The following KCTD16 variants were observed in gnomAD, a reference collection of about 807,000 sequenced individuals.
KCTD16 encodes BTB/POZ domain-containing protein KCTD16.
A neutral mutation model predicts 33.2 loss-of-function variants in KCTD16; 13 were observed. That is an observed-to-expected ratio of 0.39 (90% CI 0.25 to 0.62). The LOEUF (loss-of-function observed/expected upper bound fraction) is 0.62, where lower values mean the gene tolerates loss of function less well. Ranked by LOEUF, KCTD16 falls within the 20% of genes least tolerant of loss-of-function variation. The probability of loss-of-function intolerance (pLI) is 0.50; values close to 1 mark genes in which losing one functional copy is unlikely to be tolerated. For missense variants in KCTD16, 441 were observed against 525.1 expected (o/e 0.84, Z 1.57); for synonymous variants, 197 against 195.3 (o/e 1.01, Z -0.07).
intron 3 of KCTD16, among the ~76,000 whole-genome samples, chr5:144,333,671 G>T (rs1458824223): frequency 6.6e-6 from 1 of 152,148 alleles, no homozygotes; most frequent in African/African-American, 2.4e-5. Flanking sequence ...TCTGTTTCAT[G>T]TGTCTCATTC....
chr5:144,276,447 G>T (rs772591344), intron 3 of KCTD16, among the ~76,000 whole-genome samples: 1 of 152,128 alleles, frequency 6.6e-6, no homozygotes, highest in Non-Finnish European at 1.5e-5. Flanking sequence ...TTTGCATGTG[G>T]TTCATATTAG....
chr5:144,224,383 G>GTTTTTTTTT (rs530446253), intron 3 of KCTD16, among the ~76,000 whole-genome samples: 3 of 100,334 alleles, frequency 3.0e-5, no homozygotes, highest in Admixed American at 1.2e-4. Context: ...AATATAATGT[G>GTTTTTTTTT]TTTTTTTTTT....
intron 3 of KCTD16, among the ~76,000 whole-genome samples, chr5:144,331,228 G>A (rs1197524026): frequency 6.6e-6 from 1 of 152,170 alleles, no homozygotes; most frequent in Non-Finnish European, 1.5e-5. Flanking sequence ...ACTGACTATG[G>A]AGTGGGCCTG....
chr5:144,429,546 T>C (rs1753410645), intron 3 of KCTD16, among the ~76,000 whole-genome samples: 1 of 152,054 alleles, frequency 6.6e-6, no homozygotes, highest in African/African-American at 2.4e-5. Context: ...ATACCTCTCT[T>C]TAACCAATCA....
intron 3 of KCTD16, among the ~76,000 whole-genome samples, chr5:144,249,089 C>G (rs1034265233): frequency 2.0e-5 from 3 of 152,084 alleles, no homozygotes; most frequent in African/African-American, 7.2e-5. Context: ...ATCCCAGGAC[C>G]CTTCCTATAT....
intron 3 of KCTD16, among the ~76,000 whole-genome samples, chr5:144,269,798 G>T (rs1475381167): frequency 6.6e-6 from 1 of 151,988 alleles, no homozygotes; most frequent in Non-Finnish European, 1.5e-5. Context: ...ATGTTTTTGG[G>T]CAGAGAATGT....
At chr5:144,356,292 A>T (rs1751569809) in intron 3 of KCTD16, among the ~76,000 whole-genome samples, 1 of 152,200 alleles carries the variant, frequency 6.6e-6, no homozygotes, top group South Asian at 2.1e-4. Context: ...TTTAAGGAGT[A>T]TGCTTTTTCT....
At chr5:144,331,965 C>T (rs151130345) in intron 3 of KCTD16, among the ~76,000 whole-genome samples, 2 of 152,252 alleles carry the variant, frequency 1.3e-5, no homozygotes, top group African/African-American at 2.4e-5. Flanking sequence ...ACCCTCTTGA[C>T]CATTGATATT....
chr5:144,398,000 G>T (rs1752612989), intron 3 of KCTD16, among the ~76,000 whole-genome samples: 1 of 152,176 alleles, frequency 6.6e-6, no homozygotes, highest in South Asian at 2.1e-4. Flanking sequence ...CCCAGATCTT[G>T]CTCTAGCAGC....
At chr5:144,195,532 A>G (rs1478740918) in intron 2 of KCTD16, among the ~76,000 whole-genome samples, 2 of 152,228 alleles carry the variant, frequency 1.3e-5, no homozygotes, top group Non-Finnish European at 2.9e-5. Context: ...AACCACAGAA[A>G]GAGGGAGCTG....
At chr5:144,462,963 G>C (rs2126993755) in intron 3 of KCTD16, among the ~76,000 whole-genome samples, 1 of 152,296 alleles carries the variant, frequency 6.6e-6, no homozygotes, top group South Asian at 2.1e-4. Context: ...AAATTAATGT[G>C]ATTTAACAAT....
intron 3 of KCTD16, among the ~76,000 whole-genome samples, chr5:144,238,762 T>G (rs1303340830): frequency 6.6e-6 from 1 of 152,176 alleles, no homozygotes; most frequent in Non-Finnish European, 1.5e-5. Context: ...AAACAACTCA[T>G]TTGAGCTTTT....
chr5:144,261,305 A>G (rs984926361), intron 3 of KCTD16, among the ~76,000 whole-genome samples: 1 of 152,206 alleles, frequency 6.6e-6, no homozygotes, highest in African/African-American at 2.4e-5. Flanking sequence ...TTACCAGATT[A>G]GTATCTTATA....
chr5:144,458,493 A>G (rs1281551777), intron 3 of KCTD16, among the ~76,000 whole-genome samples: 2 of 152,180 alleles, frequency 1.3e-5, no homozygotes, highest in South Asian at 4.1e-4. Context: ...TCTATAGATA[A>G]AGGAATCCCA....
At chr5:144,316,767 C>T (rs1410343074) in intron 3 of KCTD16, among the ~76,000 whole-genome samples, 1 of 151,404 alleles carries the variant, frequency 6.6e-6, no homozygotes, top group African/African-American at 2.4e-5. Flanking sequence ...TCCATCTAGG[C>T]CTCCCAAAAT....
chr5:144,398,263 T>G (rs1475826411), intron 3 of KCTD16, among the ~76,000 whole-genome samples: 2 of 152,194 alleles, frequency 1.3e-5, no homozygotes, highest in African/African-American at 4.8e-5. Flanking sequence ...CAGTAACATG[T>G]TCACTACTAT....
At chr5:144,309,421 C>A (rs1360213260) in intron 3 of KCTD16, among the ~76,000 whole-genome samples, 1 of 151,240 alleles carries the variant, frequency 6.6e-6, no homozygotes, top group East Asian at 1.9e-4. Context: ...AAGCCAATTG[C>A]TTGTAAAACT....
chr5:144,414,202 A>G (rs1364267288), intron 3 of KCTD16, among the ~76,000 whole-genome samples: 1 of 152,138 alleles, frequency 6.6e-6, no homozygotes, highest in East Asian at 1.9e-4. Context: ...CATTTCTTCA[A>G]TATTCCCCTT....
intron 2 of KCTD16, among the ~76,000 whole-genome samples, chr5:144,189,395 C>G (rs773862373): frequency 7.3e-5 from 11 of 151,280 alleles, no homozygotes; most frequent in Non-Finnish European, 1.2e-4. Flanking sequence ...GCTCGGGAGG[C>G]TGAGGCAGGA....
Sources: allele counts gnomAD v4.1 joint callset (sites outside exome capture counted in the v4.1 genomes callset), GRCh38; gene constraint gnomAD v4.1.1; transcripts MANE v1.5; gene names NCBI Gene and HGNC (gene_info 2026-07-23, HGNC 2026-07-21).